The following FBXO34 variants were observed in gnomAD, a reference collection of about 807,000 sequenced individuals.
FBXO34 encodes the protein F-box only protein 34.
In FBXO34, 12 loss-of-function variants were observed where a neutral mutation model predicts 24.5. That is an observed-to-expected ratio of 0.49 (90% CI 0.31 to 0.79). The LOEUF is 0.79. FBXO34 is among the 30% of genes least tolerant of loss of function. The pLI, the probability that FBXO34 is intolerant of heterozygous loss-of-function variation, is 0.04. For missense variants in FBXO34, 823 were observed against 857.7 expected (o/e 0.96, Z 0.51); for synonymous variants, 320 against 311.9 (o/e 1.03, Z -0.27).
downstream of FBXO34, among the ~76,000 whole-genome samples, chr14:55,356,758 GT>G (rs1884528908): frequency 6.6e-6 from 1 of 151,950 alleles, no homozygotes; most frequent in Non-Finnish European, 1.5e-5. Context: ...GTGCCTGGCT[GT>G]TTCTGTTTTT....
intron 1 of FBXO34, among the ~76,000 whole-genome samples, chr14:55,322,809 G>A (rs1883184933): frequency 6.6e-6 from 1 of 151,874 alleles, no homozygotes; most frequent in Non-Finnish European, 1.5e-5. Flanking sequence ...AGATTATAAA[G>A]CATTCTACCA....
At chr14:55,292,941 G>A (rs920133384) in intron 1 of FBXO34, among the ~76,000 whole-genome samples, 1 of 152,080 alleles carries the variant, frequency 6.6e-6, no homozygotes, top group Admixed American at 6.5e-5. Flanking sequence ...GAAGTGCAGT[G>A]GCACAATCTC....
rs536292266 is a variant in FBXO34 at position 55,281,408 on chromosome 14, C to T, written c.-11+9871C>T. On this transcript the variant is annotated intron_variant, in intron 1 of 1. Transcript: ENST00000313833. ...TAGATTTCTGTAATTGTCTCTATGA[C>T]GTTTTTTTATAATTCCATATTTGCC... Among the ~76,000 whole-genome samples, 9 of 152,080 alleles carry T rather than the reference C, an allele frequency of 5.9e-5. No individual in the cohort carries two copies. In the South Asian group the frequency reaches 1.2e-3, roughly 21 times the overall value.
the FBXO34 span, among the ~76,000 whole-genome samples, chr14:55,429,502 G>A: frequency 2.0e-5 from 3 of 152,156 alleles, no homozygotes; most frequent in African/African-American, 7.2e-5. Flanking sequence ...AGTGGCTCAC[G>A]CCTGTAATCC....
At chr14:55,434,539 C>A in the FBXO34 span, among the ~76,000 whole-genome samples, 1 of 152,156 alleles carries the variant, frequency 6.6e-6, no homozygotes, top group Admixed American at 6.5e-5. Context: ...TACACTCATC[C>A]CCAGCCCTGC....
At chr14:55,385,964 A>G in the FBXO34 span, 2 of 1,614,108 alleles carry the variant, frequency 1.2e-6, no homozygotes, top group Non-Finnish European at 1.7e-6. Context: ...TCTTAAGTCA[A>G]TGGTCTTTTT....
chr14:55,356,171 G>A (rs764361235), downstream of FBXO34, among the ~76,000 whole-genome samples: 1 of 152,142 alleles, frequency 6.6e-6, no homozygotes, highest in Non-Finnish European at 1.5e-5. Context: ...CAACCTTTTT[G>A]GACCAGCTTG....
At position 55,360,679 on chromosome 14, in the gene FBXO34, G is replaced by A. The variant is rs142978172; in HGVS notation, c.*589-1054G>A. ...CTAGACTTGAAGGTGAAAGTAGAAA[G>A]GATTGTAAGCCAAACTCCTGTTAAT... On this transcript the variant is annotated intron_variant and NMD_transcript_variant, in intron 3 of 3. Transcript: ENST00000555280. Among the ~76,000 whole-genome samples, 1,008 of 152,210 alleles carry A rather than the reference G, an allele frequency of 6.6e-3. 13 individuals carry two copies. The highest frequency in any genetic ancestry group is 0.023 in the African/African-American group (946 of 41,532).
chr14:55,420,667 A>C, the FBXO34 span, among the ~76,000 whole-genome samples: 1 of 152,190 alleles, frequency 6.6e-6, no homozygotes, highest in Non-Finnish European at 1.5e-5. Flanking sequence ...TATACTTAGA[A>C]ATTTTAAGGG....
intron 1 of FBXO34, among the ~76,000 whole-genome samples, chr14:55,336,932 A>G (rs79625899): frequency 0.02 from 2,958 of 149,740 alleles, 77 homozygotes; most frequent in African/African-American, 0.068. Flanking sequence ...TCAGAATCCT[A>G]TGTGGTGTGT....
chr14:55,325,978 G>A (rs1566557121), intron 1 of FBXO34: 1 of 152,174 alleles, frequency 6.6e-6, no homozygotes, highest in Non-Finnish European at 1.5e-5. Context: ...TGGTAACAAG[G>A]AGCCAACTCA....
chr14:55,397,472 AT>A, the FBXO34 span: 155 of 1,515,834 alleles, frequency 1.0e-4, no homozygotes, highest in Non-Finnish European at 1.4e-4. Context: ...TTAAATGGTC[AT>A]TTTTTCAGTT....
chr14:55,349,657 G>A (rs572571472), intron 1 of FBXO34, among the ~76,000 whole-genome samples: 16 of 139,018 alleles, frequency 1.2e-4, no homozygotes, highest in Admixed American at 1.1e-3. Flanking sequence ...GCCCAGGTTG[G>A]AGGGCAGTGG....
Position 55,339,387 on chromosome 14 carries a change from C to CCCG in FBXO34, c.-10-10992_-10-10991insGCC, listed in dbSNP as rs1555339089. ...GCTCCTTTAATCACCTGCCCCCCCC[C>CCCG]CCAATCCTGGATCTATGCTAACCTG... On this transcript the variant is annotated intron_variant, in intron 1 of 1. Coordinates refer to ENST00000313833, the MANE Select transcript of FBXO34 (RefSeq NM_017943.4). 263 of 145,896 alleles carry CCCG rather than the reference C, an allele frequency of 1.8e-3. 6 individuals carry two copies. The highest frequency in any genetic ancestry group is 6.3e-3 in the African/African-American group (249 of 39,222). 9.0% of individuals were successfully genotyped at this position (145,896 alleles called of 1,614,324 possible).
intron 1 of FBXO34, among the ~76,000 whole-genome samples, chr14:55,324,599 C>T (rs1224733000): frequency 1.3e-5 from 2 of 151,820 alleles, no homozygotes; most frequent in Non-Finnish European, 2.9e-5. Context: ...ATGTAGTTTG[C>T]AAGTAATGAT....
At chr14:55,345,114 A>G (rs1884117245) in intron 1 of FBXO34, among the ~76,000 whole-genome samples, 1 of 151,956 alleles carries the variant, frequency 6.6e-6, no homozygotes. Flanking sequence ...ATGGGGTCAA[A>G]TGATGACCCC....
At chr14:55,391,506 G>A in the FBXO34 span, among the ~76,000 whole-genome samples, 3 of 149,590 alleles carry the variant, frequency 2.0e-5, no homozygotes, top group African/African-American at 7.4e-5. Context: ...GGGAAATTAC[G>A]AGAAAGAAAT....
intron 1 of FBXO34, among the ~76,000 whole-genome samples, chr14:55,330,340 C>T (rs758315265): frequency 2.0e-5 from 3 of 152,058 alleles, no homozygotes; most frequent in Non-Finnish European, 2.9e-5. Context: ...CTTTTTGTGC[C>T]GTTTTGTTTC....
chr14:55,379,152 T>C, the FBXO34 span, among the ~76,000 whole-genome samples: 1 of 152,198 alleles, frequency 6.6e-6, no homozygotes, highest in African/African-American at 2.4e-5. Flanking sequence ...CAATGTACCC[T>C]CCAGTGTTGG....
Sources: gnomAD v4.1 joint callset for allele counts (sites outside exome capture counted in the v4.1 genomes callset) on GRCh38, gnomAD v4.1.1 for gene constraint, MANE v1.5 for transcripts, NCBI Gene and HGNC (gene_info 2026-07-23, HGNC 2026-07-21) for gene names.